Variants in TMTC2 observed in about 807,000 individuals in gnomAD.
TMTC2 encodes protein O-mannosyl-transferase TMTC2.
TMTC2 carries 43 observed loss-of-function variants against 82.4 expected under a neutral mutation model. The observed-to-expected ratio is 0.52, with a 90% CI of 0.41 to 0.67. TMTC2 has a LOEUF of 0.67. Among genes scored for constraint, TMTC2 ranks in the 30% least tolerant of loss-of-function variants. The pLI, the probability that TMTC2 is intolerant of heterozygous loss-of-function variation, is 0.00. For missense variants in TMTC2, 919 were observed against 1,012.4 expected, an observed-to-expected ratio of 0.91 and a Z score of 1.25; for synonymous variants, 408 against 381.9, an observed-to-expected ratio of 1.07 and a Z score of -0.80.
chr12:82,966,358 G>A (rs527727187), intron 6 of TMTC2, among the ~76,000 whole-genome samples: 2 of 152,224 alleles, frequency 1.3e-5, no homozygotes, highest in African/African-American at 4.8e-5. Flanking sequence ...GCCTGCATGA[G>A]TTCCTTATTG....
chr12:82,837,002 ATT>A (rs910147923), intron 1 of TMTC2, among the ~76,000 whole-genome samples: 4 of 152,170 alleles, frequency 2.6e-5, no homozygotes, highest in African/African-American at 9.7e-5. Context: ...TTAGTTTCTA[ATT>A]AGTAAAGTAT....
intron 9 of TMTC2, among the ~76,000 whole-genome samples, chr12:83,039,329 A>G (rs935906563): frequency 6.6e-6 from 1 of 152,162 alleles, no homozygotes; most frequent in African/African-American, 2.4e-5. Context: ...TCAACATGTA[A>G]ACTTTCAAGA....
intron 2 of TMTC2, among the ~76,000 whole-genome samples, chr12:82,859,055 TG>T (rs1234170202): frequency 6.6e-6 from 1 of 151,296 alleles, no homozygotes; most frequent in Non-Finnish European, 1.5e-5. Context: ...TAGTCGCCTG[TG>T]AAATATTGTG....
At chr12:82,955,534 A>T (rs1246359857) in intron 4 of TMTC2, among the ~76,000 whole-genome samples, 5 of 152,174 alleles carry the variant, frequency 3.3e-5, no homozygotes, top group African/African-American at 1.2e-4. Flanking sequence ...GTTCCTAGGG[A>T]AAAGAAATAC....
chr12:82,865,106 T>C (rs190215507), intron 2 of TMTC2, among the ~76,000 whole-genome samples: 75 of 149,228 alleles, frequency 5.0e-4, no homozygotes, highest in African/African-American at 1.8e-3. Context: ...GTGCCTGTAA[T>C]CCCAGCTACT....
chr12:83,132,654 G>A lies in TMTC2; in HGVS notation c.*265G>A, dbSNP rs1167761629. On this transcript the variant is annotated 3_prime_UTR_variant, in exon 12 of 12. Coordinates refer to ENST00000321196, the MANE Select transcript of TMTC2 (RefSeq NM_152588.3). ...AGAGCACTTAAAACAGAACCTTTTGGCATTCTTAAAAAGGGAGGGGTGGGT... is the reference window on the plus strand; with the variant it reads ...AGAGCACTTAAAACAGAACCTTTTGACATTCTTAAAAAGGGAGGGGTGGGT... 2.7e-6 allele frequency: 1 copy of A among 369,134 alleles called. No homozygotes were observed. The highest frequency in any genetic ancestry group is 4.8e-6 in the Non-Finnish European group (1 of 209,222). The allele number at this position is 369,134 out of a possible 1,614,324, so 22.9% of individuals were successfully genotyped here. A position where few individuals can be genotyped will look rare whatever the true frequency, so the allele number is the denominator to read the frequency against.
chr12:82,712,109 C>G (rs984468683), intron 1 of TMTC2, among the ~76,000 whole-genome samples: 2 of 152,156 alleles, frequency 1.3e-5, no homozygotes, highest in Non-Finnish European at 2.9e-5. Flanking sequence ...CACCTTTCAT[C>G]TGTAGGTGAC....
chr12:82,802,131 G>A (rs537317262), intron 1 of TMTC2, among the ~76,000 whole-genome samples: 2 of 152,246 alleles, frequency 1.3e-5, no homozygotes, highest in South Asian at 2.1e-4. Flanking sequence ...GAAGGCTCAC[G>A]CATGGTAGGC....
At chr12:82,997,884 T>C (rs538560313) in intron 8 of TMTC2, among the ~76,000 whole-genome samples, 54 of 152,282 alleles carry the variant, frequency 3.5e-4, no homozygotes, top group African/African-American at 1.2e-3. Flanking sequence ...AAGTCTTCTT[T>C]GTATTTAAAG....
intron 9 of TMTC2, among the ~76,000 whole-genome samples, chr12:83,049,037 T>G (rs1376465735): frequency 6.6e-6 from 1 of 152,226 alleles, no homozygotes; most frequent in Non-Finnish European, 1.5e-5. Context: ...GTCTTTTGCG[T>G]TGGAAGACAA....
intron 9 of TMTC2, among the ~76,000 whole-genome samples, chr12:83,038,916 C>T (rs1272093500): frequency 6.9e-6 from 1 of 145,390 alleles, no homozygotes; most frequent in African/African-American, 2.6e-5. Context: ...TATGAAAGAA[C>T]AAGCACCTTG....
chr12:82,994,332 C>T (rs1879524239), intron 8 of TMTC2, among the ~76,000 whole-genome samples: 1 of 152,012 alleles, frequency 6.6e-6, no homozygotes, highest in South Asian at 2.1e-4. Context: ...TTTAGTAAAG[C>T]TGTGGTTCCG....
At chr12:82,847,281 G>GT (rs1444899784) in intron 1 of TMTC2, among the ~76,000 whole-genome samples, 1 of 152,184 alleles carries the variant, frequency 6.6e-6, no homozygotes, top group East Asian at 1.9e-4. Flanking sequence ...TTATCATTGA[G>GT]TGAGTAGAGG....
At chr12:82,947,433 T>C (rs901518348) in intron 4 of TMTC2, among the ~76,000 whole-genome samples, 8 of 151,178 alleles carry the variant, frequency 5.3e-5, no homozygotes, top group Non-Finnish European at 8.9e-5. Flanking sequence ...AGCTCCGCCT[T>C]CCGGGTTCAC....
chr12:82,846,086 C>T (rs1870654871), intron 1 of TMTC2, among the ~76,000 whole-genome samples: 1 of 151,944 alleles, frequency 6.6e-6, no homozygotes, highest in South Asian at 2.1e-4. Flanking sequence ...AGTGCCAGTG[C>T]CATGGCTCAC....
intron 8 of TMTC2, among the ~76,000 whole-genome samples, chr12:83,022,341 G>A (rs1880969495): frequency 6.7e-6 from 1 of 150,260 alleles, no homozygotes; most frequent in Non-Finnish European, 1.5e-5. Flanking sequence ...GCCTTCCTTT[G>A]TCACTTTATC....
At chr12:83,025,200 CA>C (rs35813949) in intron 8 of TMTC2, among the ~76,000 whole-genome samples, 31,380 of 150,366 alleles carry the variant, frequency 0.21, 3,306 homozygotes, top group Middle Eastern at 0.25. Flanking sequence ...AACTCTGTCT[CA>C]AAAAAAAAAA....
At chr12:82,936,192 C>A (rs937655052) in intron 4 of TMTC2, among the ~76,000 whole-genome samples, 1 of 151,990 alleles carries the variant, frequency 6.6e-6, no homozygotes, top group African/African-American at 2.4e-5. Flanking sequence ...CAATCTCAAT[C>A]AAAAACCTTG....
chr12:83,129,836 T>G (rs575384571), intron 11 of TMTC2, among the ~76,000 whole-genome samples: 1 of 152,298 alleles, frequency 6.6e-6, no homozygotes, highest in African/African-American at 2.4e-5. Context: ...GAAACTGAGA[T>G]TACAAGCCCT....
Sources: allele counts gnomAD v4.1 joint callset (sites outside exome capture counted in the v4.1 genomes callset), GRCh38; gene constraint gnomAD v4.1.1; transcripts MANE v1.5; gene names NCBI Gene and HGNC (gene_info 2026-07-23, HGNC 2026-07-21).